Variants in MBNL2 observed in about 807,000 individuals in gnomAD.
MBNL2 encodes muscleblind like splicing regulator 2.
In MBNL2, 17 loss-of-function variants were observed where a neutral mutation model predicts 41.9. The ratio of observed to expected loss-of-function variants is 0.41; its 90% CI spans 0.28 to 0.61. MBNL2 has a LOEUF of 0.61. MBNL2 is among the 20% of genes least tolerant of loss of function. The pLI is 0.35. For synonymous variants in MBNL2, 195 were observed against 182.9 expected, an observed-to-expected ratio of 1.07 and a Z score of -0.53; for missense variants, 336 against 505.6, an observed-to-expected ratio of 0.66 and a Z score of 3.22.
chr13:97,154,448 G>A, the MBNL2 span, among the ~76,000 whole-genome samples: 15 of 152,160 alleles, frequency 9.9e-5, no homozygotes, highest in Non-Finnish European at 1.9e-4. Flanking sequence ...CCGAGTAGCT[G>A]GGACTACAGG....
At chr13:97,371,237 C>T (rs2064345193) in intron 8 of MBNL2, among the ~76,000 whole-genome samples, 1 of 152,174 alleles carries the variant, frequency 6.6e-6, no homozygotes, top group South Asian at 2.1e-4. Context: ...CATTTATAAA[C>T]AGATCATTTA....
the MBNL2 span, among the ~76,000 whole-genome samples, chr13:97,197,672 C>T: frequency 2.0e-5 from 3 of 152,244 alleles, no homozygotes; most frequent in South Asian, 6.2e-4. Context: ...TCTATGAATG[C>T]ATTACTACTT....
At chr13:97,194,826 C>T in the MBNL2 span, among the ~76,000 whole-genome samples, 1 of 152,158 alleles carries the variant, frequency 6.6e-6, no homozygotes, top group Non-Finnish European at 1.5e-5. Context: ...TTACAAATTC[C>T]ATGGCAATGC....
chr13:97,280,431 G>T (rs2053138043), intron 2 of MBNL2, among the ~76,000 whole-genome samples: 2 of 152,248 alleles, frequency 1.3e-5, no homozygotes, highest in Non-Finnish European at 1.5e-5. Context: ...GCTAATTTTG[G>T]TTGAAAACAC....
At chr13:97,299,016 C>T (rs1482051213) in intron 2 of MBNL2, among the ~76,000 whole-genome samples, 1 of 152,214 alleles carries the variant, frequency 6.6e-6, no homozygotes, top group East Asian at 1.9e-4. Context: ...TTGTAGTGTA[C>T]TTGGCTGGTT....
chr13:97,381,597 A>G (rs2065458231), intron 8 of MBNL2, among the ~76,000 whole-genome samples: 1 of 151,908 alleles, frequency 6.6e-6, no homozygotes, highest in East Asian at 1.9e-4. Flanking sequence ...TCATATATGA[A>G]TGCTTTTGAA....
intron 2 of MBNL2, among the ~76,000 whole-genome samples, chr13:97,287,273 C>T (rs1323556180): frequency 6.6e-6 from 1 of 152,108 alleles, no homozygotes; most frequent in Non-Finnish European, 1.5e-5. Context: ...CTTCATCGTT[C>T]CCAAAAACTT....
At chr13:97,390,276 T>C (rs751022312) in intron 8 of MBNL2, among the ~76,000 whole-genome samples, 1 of 152,128 alleles carries the variant, frequency 6.6e-6, no homozygotes, top group African/African-American at 2.4e-5. Context: ...ACAGGAGCAC[T>C]CACTTAAAGG....
chr13:97,299,013 G>T (rs1193783631), intron 2 of MBNL2, among the ~76,000 whole-genome samples: 1 of 152,136 alleles, frequency 6.6e-6, no homozygotes, highest in Non-Finnish European at 1.5e-5. Context: ...AGCTTGTAGT[G>T]TACTTGGCTG....
At chr13:97,190,343 C>CACCACAGT in the MBNL2 span, among the ~76,000 whole-genome samples, 3 of 152,330 alleles carry the variant, frequency 2.0e-5, no homozygotes, top group Admixed American at 1.3e-4. Context: ...TTGGATGGCA[C>CACCACAGT]ACCACAGTTT....
At chr13:97,290,969 G>A (rs2055827864) in intron 2 of MBNL2, among the ~76,000 whole-genome samples, 1 of 152,174 alleles carries the variant, frequency 6.6e-6, no homozygotes, top group East Asian at 1.9e-4. Context: ...CTGGAAACAA[G>A]AGGCCTGACA....
chr13:97,253,754 TA>T, intron 1 of MBNL2, among the ~76,000 whole-genome samples: 1 of 131,914 alleles, frequency 7.6e-6, no homozygotes, highest in East Asian at 2.0e-4. Flanking sequence ...TTGTATTTAT[TA>T]ATACGTATTA....
At chr13:97,321,392 G>A (rs955659073) in intron 2 of MBNL2, among the ~76,000 whole-genome samples, 5 of 152,154 alleles carry the variant, frequency 3.3e-5, no homozygotes, top group Non-Finnish European at 1.5e-5. Flanking sequence ...GAAAACACTT[G>A]ACATTTAACA....
chr13:97,196,911 TC>T, the MBNL2 span, among the ~76,000 whole-genome samples: 1 of 152,334 alleles, frequency 6.6e-6, no homozygotes, highest in African/African-American at 2.4e-5. Context: ...AAATTGAATG[TC>T]CCTTTAATGT....
intron 5 of MBNL2, among the ~76,000 whole-genome samples, chr13:97,355,909 T>A (rs2062942121): frequency 6.6e-6 from 1 of 152,210 alleles, no homozygotes; most frequent in South Asian, 2.1e-4. Context: ...ATTATTTTGA[T>A]AGCTGGGGAC....
chr13:97,151,886 G>A, the MBNL2 span, among the ~76,000 whole-genome samples: 1 of 152,212 alleles, frequency 6.6e-6, no homozygotes, highest in Non-Finnish European at 1.5e-5. Flanking sequence ...CCCATGAAAT[G>A]CTCAGCCAGA....
chr13:97,388,002 T>G (rs1232693704), intron 8 of MBNL2, among the ~76,000 whole-genome samples: 1 of 151,856 alleles, frequency 6.6e-6, no homozygotes, highest in East Asian at 1.9e-4. Flanking sequence ...GCCTTGGAGG[T>G]TGAGTAGGGA....
chr13:97,367,070 A>G (rs2063905788), intron 8 of MBNL2, among the ~76,000 whole-genome samples: 1 of 152,156 alleles, frequency 6.6e-6, no homozygotes. Context: ...CTTGGTTCCC[A>G]CCTTACAATC....
chr13:97,236,846 C>T (rs1219885644), intron 1 of MBNL2, among the ~76,000 whole-genome samples: 1 of 152,192 alleles, frequency 6.6e-6, no homozygotes, highest in Non-Finnish European at 1.5e-5. Context: ...ATAACAGTTA[C>T]TTTGTCATTA....
Sources: allele counts gnomAD v4.1 joint callset (sites outside exome capture counted in the v4.1 genomes callset), GRCh38; gene constraint gnomAD v4.1.1; transcripts MANE v1.5; gene names NCBI Gene and HGNC (gene_info 2026-07-23, HGNC 2026-07-21).